SLC17A1: variants seen among roughly 807,000 people sequenced by gnomAD.
SLC17A1 encodes sodium-dependent phosphate transport protein 1.
SLC17A1 carries 51 observed loss-of-function variants against 53.5 expected under a neutral mutation model. That is an observed-to-expected ratio of 0.95 (90% CI 0.76 to 1.20). SLC17A1 has a LOEUF of 1.20. Ranked by LOEUF, SLC17A1 falls within the 50% of genes most tolerant of loss-of-function variation. The pLI is 0.00. For missense variants in SLC17A1, 538 were observed against 568.2 expected, an observed-to-expected ratio of 0.95 and a Z score of 0.54; for synonymous variants, 179 against 198.8, an observed-to-expected ratio of 0.90 and a Z score of 0.84.
At chr6:25,726,783 T>A in the SLC17A1 span, 4 of 1,269,786 alleles carry the variant, frequency 3.2e-6, no homozygotes, top group African/African-American at 6.0e-5. Flanking sequence ...TTCTGTTTGT[T>A]TACTTGGCGA....
intron 12 of SLC17A1, among the ~76,000 whole-genome samples, chr6:25,796,326 CTTGAGTTATGCTTGCATCTT>C (rs1414834726): frequency 1.3e-5 from 2 of 152,098 alleles, no homozygotes; most frequent in African/African-American, 4.8e-5. Flanking sequence ...AATCAACAAT[CTTGAGTTATGCTTGCATCTT>C]GGCAAATTTT....
At chr6:25,786,617 GTGCATTTCC>G (rs1419231397) in intron 12 of SLC17A1, among the ~76,000 whole-genome samples, 3 of 152,234 alleles carry the variant, frequency 2.0e-5, no homozygotes, top group East Asian at 3.9e-4. Flanking sequence ...GAAAAACCAA[GTGCATTTCC>G]TGCCTTGTCA....
chr6:25,770,361 A>G, the SLC17A1 span: 1 of 1,614,022 alleles, frequency 6.2e-7, no homozygotes. Context: ...TCAGATCTCC[A>G]AGAATGGAAT....
the SLC17A1 span, among the ~76,000 whole-genome samples, chr6:25,741,414 C>A: frequency 1.4e-5 from 1 of 73,178 alleles, no homozygotes; most frequent in African/African-American, 5.3e-5. Context: ...TACTAAGAAT[C>A]CAAAAAAAAA....
At chr6:25,795,965 T>C (rs1763594167) in intron 12 of SLC17A1, among the ~76,000 whole-genome samples, 1 of 152,082 alleles carries the variant, frequency 6.6e-6, no homozygotes, top group Non-Finnish European at 1.5e-5. Flanking sequence ...TGGATAGAAA[T>C]AATAATGGAA....
At chr6:25,799,492 GC>G (rs1482976370) in intron 11 of SLC17A1, among the ~76,000 whole-genome samples, 5 of 151,970 alleles carry the variant, frequency 3.3e-5, no homozygotes, top group Non-Finnish European at 5.9e-5. Context: ...TCAGATGTAT[GC>G]TCGAGTTGAA....
At chr6:25,826,064 TAAC>T (rs1249697367) in intron 3 of SLC17A1, among the ~76,000 whole-genome samples, 1 of 152,168 alleles carries the variant, frequency 6.6e-6, no homozygotes, top group Non-Finnish European at 1.5e-5. Flanking sequence ...TTCTGGTAGA[TAAC>T]AACTGATTAT....
chr6:25,758,398 AT>A, the SLC17A1 span, among the ~76,000 whole-genome samples: 1 of 152,332 alleles, frequency 6.6e-6, no homozygotes, highest in East Asian at 1.9e-4. Context: ...AATAATTCAA[AT>A]TACATTATTG....
chr6:25,742,832 T>C, the SLC17A1 span, among the ~76,000 whole-genome samples: 1 of 152,150 alleles, frequency 6.6e-6, no homozygotes, highest in African/African-American at 2.4e-5. Flanking sequence ...CACAAATTAA[T>C]ACATTTTGTG....
At chr6:25,755,534 A>G in the SLC17A1 span, among the ~76,000 whole-genome samples, 6 of 149,156 alleles carry the variant, frequency 4.0e-5, no homozygotes, top group Non-Finnish European at 3.0e-5. Context: ...CAGGGTGCAT[A>G]TGAATCCAAA....
At chr6:25,741,399 G>A in the SLC17A1 span, among the ~76,000 whole-genome samples, 1 of 112,154 alleles carries the variant, frequency 8.9e-6, no homozygotes, top group South Asian at 3.0e-4. Context: ...GCAAAACCCT[G>A]TCTTTACTAA....
the SLC17A1 span, among the ~76,000 whole-genome samples, chr6:25,759,663 A>G: frequency 2.2e-4 from 34 of 152,330 alleles, no homozygotes; most frequent in Middle Eastern, 3.4e-3. Flanking sequence ...AAAAAACAAA[A>G]CAAAAACAAA....
At chr6:25,735,543 C>T in the SLC17A1 span, among the ~76,000 whole-genome samples, 1 of 151,910 alleles carries the variant, frequency 6.6e-6, no homozygotes, top group African/African-American at 2.4e-5. Context: ...CCAAACCATA[C>T]AGTAGAGCTA....
At chr6:25,726,067 T>A in the SLC17A1 span, 1 of 1,385,322 alleles carries the variant, frequency 7.2e-7, no homozygotes, top group Non-Finnish European at 9.8e-7. Flanking sequence ...AGACGGTAGG[T>A]GGCTCTGAAA....
intron 6 of SLC17A1, among the ~76,000 whole-genome samples, chr6:25,813,556 C>G (rs1363384232): frequency 6.6e-6 from 1 of 152,136 alleles, no homozygotes; most frequent in African/African-American, 2.4e-5. Context: ...TTGACAATTG[C>G]CCAGTTGTTT....
chr6:25,798,459 C>A, intron 12 of SLC17A1: 1 of 208,096 alleles, frequency 4.8e-6, no homozygotes, highest in Non-Finnish European at 9.5e-6. Context: ...TTGCTCCCAA[C>A]CTTTTTCACT....
rs559504779 is a variant in SLC17A1 at position 25,806,503 on chromosome 6, C to CTGGA, written c.1178+4894_1178+4895insTCCA. ...GCCCACTTTCACCACTTCTGGTTAACATTTTACTGGAATTCCTAGCCAGAG... is the reference window on the plus strand; with the variant it reads ...GCCCACTTTCACCACTTCTGGTTAACTGGAATTTTACTGGAATTCCTAGCCAGAG... On this transcript the variant is annotated intron_variant, in intron 10 of 12. Transcript: ENST00000244527. Among the ~76,000 whole-genome samples the CTGGA allele has an allele frequency of 9.9e-5, 15 of 152,170 alleles. No individual in the cohort carries two copies. The South Asian group carries it at 2.9e-3, about 29-fold the overall frequency.
intron 6 of SLC17A1, among the ~76,000 whole-genome samples, chr6:25,818,598 G>A (rs1249269662): frequency 3.9e-5 from 6 of 152,116 alleles, no homozygotes; most frequent in South Asian, 2.1e-4. Context: ...TCAGAGAGCC[G>A]AAAGTGATTT....
chr6:25,772,171 C>T, the SLC17A1 span, among the ~76,000 whole-genome samples: 1 of 152,064 alleles, frequency 6.6e-6, no homozygotes, highest in Non-Finnish European at 1.5e-5. Context: ...TTTGAAAGGG[C>T]AGGTTACAAA....
Sources: gnomAD v4.1 joint callset for allele counts (sites outside exome capture counted in the v4.1 genomes callset) on GRCh38, gnomAD v4.1.1 for gene constraint, MANE v1.5 for transcripts, NCBI Gene and HGNC (gene_info 2026-07-23, HGNC 2026-07-21) for gene names.